The following CFAP54 variants were observed in gnomAD, a reference collection of about 807,000 sequenced individuals.
The protein encoded by CFAP54 is cilia- and flagella-associated protein 54.
Under a neutral mutation model 370.4 loss-of-function variants are expected in CFAP54, and 290 were observed. The observed-to-expected ratio is 0.78, with a 90% CI of 0.71 to 0.86. CFAP54 has a LOEUF of 0.86. Among genes scored for constraint, CFAP54 ranks in the 40% least tolerant of loss-of-function variants. The pLI, the probability that CFAP54 is intolerant of heterozygous loss-of-function variation, is 0.00. For synonymous variants in CFAP54, 1,206 were observed against 1,236.5 expected (o/e 0.98, Z 0.52); for missense variants, 3,399 against 3,528.7 (o/e 0.96, Z 0.93).
intron 63 of CFAP54, among the ~76,000 whole-genome samples, chr12:96,794,608 CTGTCTATTTCTCT>C (rs1450983701): frequency 1.3e-5 from 2 of 151,888 alleles, no homozygotes; most frequent in Non-Finnish European, 2.9e-5. Flanking sequence ...TTTATTTATG[CTGTCTATTTCTCT>C]GAAGATTTTT....
intron 39 of CFAP54, among the ~76,000 whole-genome samples, chr12:96,664,782 TA>T (rs1957056191): frequency 4.2e-5 from 1 of 23,770 alleles, no homozygotes; most frequent in Non-Finnish European, 8.1e-5. Flanking sequence ...TATATCTATA[TA>T]TATATATATA....
chr12:96,756,847 G>A (rs1958264891), intron 57 of CFAP54, among the ~76,000 whole-genome samples: 1 of 152,172 alleles, frequency 6.6e-6, no homozygotes, highest in African/African-American at 2.4e-5. Context: ...TTCTAAACTG[G>A]AAGATCCTTC....
At chr12:96,721,245 G>GA (rs1168609711) in intron 50 of CFAP54, among the ~76,000 whole-genome samples, 1 of 151,964 alleles carries the variant, frequency 6.6e-6, no homozygotes, top group African/African-American at 2.4e-5. Flanking sequence ...AACCTATTTT[G>GA]AAAAAGTAAG....
intron 65 of CFAP54, among the ~76,000 whole-genome samples, chr12:96,826,765 A>G (rs1195433947): frequency 1.8e-5 from 2 of 112,384 alleles, no homozygotes; most frequent in Non-Finnish European, 3.3e-5. Flanking sequence ...ACATATTAAT[A>G]TATTATATAA....
At chr12:96,643,017 T>C (rs1956750211) in intron 32 of CFAP54, among the ~76,000 whole-genome samples, 1 of 152,166 alleles carries the variant, frequency 6.6e-6, no homozygotes, top group Non-Finnish European at 1.5e-5. Flanking sequence ...GCACTCTCCA[T>C]GGCAAGGAAG....
intron 1 of CFAP54, among the ~76,000 whole-genome samples, chr12:96,499,947 A>AAAAAC (rs147160957): frequency 0.23 from 33,665 of 148,692 alleles, 4,032 homozygotes; most frequent in South Asian, 0.36. Flanking sequence ...ACTCCATCTC[A>AAAAAC]AAAACAAAAC....
rs575791506 is a variant in CFAP54, at chr12:96,559,144, A to T, written c.2410+4342A>T. Among the ~76,000 whole-genome samples the T allele has an allele frequency of 2.6e-5, 4 of 152,258 alleles. No homozygotes were observed. In the South Asian group the frequency reaches 8.3e-4, roughly 32 times the overall value. ...GGCAGGAGAATAGCTTGAACCTGGGAGGCGGAGATTGCAGTGAGCCAGGAT... is the reference window on the plus strand; with the variant it reads ...GGCAGGAGAATAGCTTGAACCTGGGTGGCGGAGATTGCAGTGAGCCAGGAT... On this transcript the variant is annotated intron_variant, in intron 17 of 67. Transcript: ENST00000524981.
intron 62 of CFAP54, among the ~76,000 whole-genome samples, chr12:96,791,985 G>A (rs1955711551): frequency 6.6e-6 from 1 of 151,996 alleles, no homozygotes; most frequent in South Asian, 2.1e-4. Flanking sequence ...GAGTAGCTGG[G>A]ATTACAGGCG....
At chr12:96,636,355 A>G (rs1434924696) in intron 32 of CFAP54, among the ~76,000 whole-genome samples, 1 of 152,182 alleles carries the variant, frequency 6.6e-6, no homozygotes, top group Non-Finnish European at 1.5e-5. Context: ...TTTTTCTAAA[A>G]AATTGTCCAT....
chr12:96,827,788 TATATAA>T (rs1959136381), intron 65 of CFAP54, among the ~76,000 whole-genome samples: 1 of 111,354 alleles, frequency 9.0e-6, no homozygotes, highest in Non-Finnish European at 1.7e-5. Context: ...TTATATATAA[TATATAA>T]TTATATATAA....
At chr12:96,845,096 T>G (rs1330606252) in intron 66 of CFAP54, among the ~76,000 whole-genome samples, 1 of 152,226 alleles carries the variant, frequency 6.6e-6, no homozygotes, top group African/African-American at 2.4e-5. Flanking sequence ...TCTCTAGTTT[T>G]TCTTACATTC....
chr12:96,846,922 A>G (rs1383787926), intron 66 of CFAP54, among the ~76,000 whole-genome samples: 1 of 152,114 alleles, frequency 6.6e-6, no homozygotes, highest in Non-Finnish European at 1.5e-5. Flanking sequence ...CAATGATTCC[A>G]TTCAATTCTG....
intron 32 of CFAP54, among the ~76,000 whole-genome samples, chr12:96,632,939 G>A (rs575036742): frequency 7.2e-5 from 11 of 151,908 alleles, no homozygotes; most frequent in Admixed American, 4.6e-4. Context: ...CCATAACCGC[G>A]TTATATATCT....
At chr12:96,648,092 C>CATA in intron 34 of CFAP54, 75 bp downstream of exon 34, 1 of 1,110,098 alleles carries the variant, frequency 9.0e-7, no homozygotes, top group Non-Finnish European at 1.2e-6. Flanking sequence ...CACACATACA[C>CATA]ATTGTGGACA....
intron 17 of CFAP54, among the ~76,000 whole-genome samples, chr12:96,556,461 G>T (rs115299887): frequency 0.011 from 1,662 of 150,726 alleles, 26 homozygotes; most frequent in African/African-American, 0.038. Flanking sequence ...TTTCACAATT[G>T]TATTAGTTTG....
chr12:96,650,132 G>A, intron 35 of CFAP54, 60 bp downstream of exon 35: 2 of 1,384,486 alleles, frequency 1.4e-6, no homozygotes, highest in Non-Finnish European at 2.0e-6. Context: ...ACCAACTTGG[G>A]CGTTTAAGAT....
At chr12:96,685,448 A>G (rs1380326950) in intron 42 of CFAP54, among the ~76,000 whole-genome samples, 1 of 152,142 alleles carries the variant, frequency 6.6e-6, no homozygotes, top group Non-Finnish European at 1.5e-5. Flanking sequence ...CTTGCCCCAA[A>G]ATATCAGTGT....
chr12:96,812,687 A>G (rs564456492), intron 64 of CFAP54, among the ~76,000 whole-genome samples: 2 of 152,252 alleles, frequency 1.3e-5, no homozygotes, highest in Admixed American at 6.5e-5. Context: ...CTTTTCCATC[A>G]ATGGCTTGGT....
intron 60 of CFAP54, among the ~76,000 whole-genome samples, chr12:96,768,159 A>G (rs1030466609): frequency 6.6e-6 from 1 of 152,062 alleles, no homozygotes; most frequent in African/African-American, 2.4e-5. Context: ...CGTCTCTACT[A>G]AAAATACAAA....
Sources: allele counts gnomAD v4.1 joint callset (sites outside exome capture counted in the v4.1 genomes callset), GRCh38; gene constraint gnomAD v4.1.1; transcripts MANE v1.5; gene names NCBI Gene and HGNC (gene_info 2026-07-23, HGNC 2026-07-21).